Variants in ERO1A observed in about 807,000 individuals in gnomAD.
The protein encoded by ERO1A is endoplasmic reticulum oxidoreductase 1 alpha, also known as ERO1-like protein alpha.
A neutral mutation model predicts 76.9 loss-of-function variants in ERO1A; 49 were observed. The ratio of observed to expected loss-of-function variants is 0.64; its 90% CI spans 0.51 to 0.81. The LOEUF is 0.81. ERO1A is among the 30% of genes least tolerant of loss of function. The pLI, the probability that ERO1A is intolerant of heterozygous loss-of-function variation, is 0.00. For synonymous variants in ERO1A, 174 were observed against 181.2 expected (o/e 0.96, Z 0.32); for missense variants, 448 against 542.1 (o/e 0.83, Z 1.72).
chr14:52,657,803 T>C, intron 11 of ERO1A, 114 bp downstream of exon 11: 1 of 660,494 alleles, frequency 1.5e-6, no homozygotes, highest in Non-Finnish European at 2.6e-6. Context: ...AGTGAATTTT[T>C]ACTGCCTAAT....
At chr14:52,686,048 C>T (rs544609695) in intron 1 of ERO1A, among the ~76,000 whole-genome samples, 72 of 152,136 alleles carry the variant, frequency 4.7e-4, no homozygotes, top group Non-Finnish European at 9.0e-4. Flanking sequence ...CCCATCCCTA[C>T]CAGAAACATA....
At chr14:52,675,467 A>C (rs1338440279) in intron 4 of ERO1A, among the ~76,000 whole-genome samples, 1 of 152,118 alleles carries the variant, frequency 6.6e-6, no homozygotes, top group Non-Finnish European at 1.5e-5. Context: ...CTATATTTTT[A>C]ATTTTTCATA....
In ERO1A at chr14:52,661,318, C is replaced by T. The variant is rs763482209; in HGVS notation, c.677-14G>A. On this transcript the variant is annotated splice_polypyrimidine_tract_variant and intron_variant, in intron 8 of 15. Coordinates refer to ENST00000395686, the MANE Select transcript of ERO1A (RefSeq NM_014584.3). ...CTTCACTTGTCCCTGAAAAGCAAAA[C>T]AAAATGTTTATTAAAATAAATTCCT... 10 of 1,397,138 alleles carry T rather than the reference C, an allele frequency of 7.2e-6. 1 individual carries two copies. The highest frequency in any genetic ancestry group is 1.9e-4 in the Middle Eastern group (1 of 5,294). The allele number at this position is 1,397,138 out of a possible 1,614,324, so 86.5% of individuals were successfully genotyped here. A position where few individuals can be genotyped will look rare whatever the true frequency, so the allele number is the denominator to read the frequency against.
chr14:52,671,159 T>C (rs890575719), intron 6 of ERO1A, among the ~76,000 whole-genome samples: 1 of 152,246 alleles, frequency 6.6e-6, no homozygotes, highest in Non-Finnish European at 1.5e-5. Context: ...CGTGTTGTAG[T>C]ATGTACCAGA....
chr14:52,664,664 G>C (rs973032298), intron 7 of ERO1A, among the ~76,000 whole-genome samples: 1 of 152,020 alleles, frequency 6.6e-6, no homozygotes, highest in Non-Finnish European at 1.5e-5. Context: ...ATGCTTCATG[G>C]ATTCTTTTAT....
chr14:52,671,470 G>T, intron 6 of ERO1A, 160 bp downstream of exon 6: 1 of 546,820 alleles, frequency 1.8e-6, no homozygotes, highest in Non-Finnish European at 3.2e-6. Flanking sequence ...ATGTTGCCCA[G>T]TCTGGATTCA....
intron 8 of ERO1A, 141 bp from the exon 9 acceptor site, chr14:52,661,445 G>A: frequency 1.9e-6 from 1 of 528,694 alleles, no homozygotes; most frequent in Non-Finnish European, 3.1e-6. Context: ...ATCTGAAAGT[G>A]AGACATTCGT....
At chr14:52,678,409 C>T in intron 4 of ERO1A, 25 bp downstream of exon 4, 1 of 1,600,772 alleles carries the variant, frequency 6.2e-7, no homozygotes, top group Non-Finnish European at 8.5e-7. Flanking sequence ...AGATACTGGA[C>T]ACATCAATAG....
chr14:52,690,569 C>T (rs866822835), intron 1 of ERO1A, among the ~76,000 whole-genome samples: 58 of 152,156 alleles, frequency 3.8e-4, no homozygotes, highest in African/African-American at 1.3e-3. Flanking sequence ...GGCAAGGTGG[C>T]GGGTGCCTGT....
chr14:52,652,872 C>T (rs751099650), intron 12 of ERO1A, among the ~76,000 whole-genome samples, 197 bp downstream of exon 12: 7 of 151,872 alleles, frequency 4.6e-5, no homozygotes, highest in Non-Finnish European at 1.0e-4. Context: ...GTGGTTTGCA[C>T]ATATAGTCCC....
chr14:52,651,893 C>A (rs975467579), intron 13 of ERO1A, among the ~76,000 whole-genome samples: 12 of 151,986 alleles, frequency 7.9e-5, no homozygotes, highest in African/African-American at 2.4e-4. Context: ...AAATCTTATT[C>A]TCCCTAACTG....
chr14:52,689,899 A>G (rs2041298752), intron 1 of ERO1A, among the ~76,000 whole-genome samples: 1 of 152,248 alleles, frequency 6.6e-6, no homozygotes, highest in Non-Finnish European at 1.5e-5. Context: ...AGCTACAGTC[A>G]TCACAACAGT....
chr14:52,664,631 CA>C (rs1363093526), intron 7 of ERO1A, among the ~76,000 whole-genome samples: 1 of 152,172 alleles, frequency 6.6e-6, no homozygotes, highest in Non-Finnish European at 1.5e-5. Context: ...AAAATGACTA[CA>C]AAAGTAATAC....
Position 52,646,373 on chromosome 14 carries a change from A to G in ERO1A, c.1212+2T>C. 3 of 1,610,028 alleles carry G rather than the reference A, an allele frequency of 1.9e-6. No individual in the cohort carries two copies. The highest frequency in any genetic ancestry group is 2.5e-6 in the Non-Finnish European group (3 of 1,178,664). ...GAAATAGGAATGACTAAATTTGCTT[A>G]CCTGAAGCTTTCCCCACAGACGACA... On this transcript the variant is annotated splice_donor_variant, in intron 14 of 15. Transcript: ENST00000395686. LOFTEE classifies it high-confidence loss of function.
chr14:52,680,416 T>C (rs910239263), intron 3 of ERO1A, among the ~76,000 whole-genome samples: 7 of 151,436 alleles, frequency 4.6e-5, no homozygotes, highest in Admixed American at 3.3e-4. Flanking sequence ...AATCTTCTTT[T>C]CCAAATGGTG....
intron 4 of ERO1A, among the ~76,000 whole-genome samples, chr14:52,677,197 G>C (rs2040814286): frequency 6.6e-6 from 1 of 152,046 alleles, no homozygotes; most frequent in Admixed American, 6.6e-5. Context: ...TAATCATCAA[G>C]GCTGCTAAAA....
intron 6 of ERO1A, among the ~76,000 whole-genome samples, chr14:52,669,358 T>A (rs8007682): frequency 6.6e-6 from 1 of 151,896 alleles, no homozygotes; most frequent in Admixed American, 6.6e-5. Context: ...CTAAAAAAAA[T>A]TATAGCTGCA....
intron 4 of ERO1A, among the ~76,000 whole-genome samples, chr14:52,675,511 T>C (rs578065007): frequency 7.0e-4 from 107 of 152,338 alleles, no homozygotes; most frequent in African/African-American, 2.4e-3. Flanking sequence ...TTAAAAGTTA[T>C]TTAGTCTAAA....
intron 9 of ERO1A, among the ~76,000 whole-genome samples, chr14:52,658,938 C>T (rs2040141306): frequency 6.6e-6 from 1 of 152,024 alleles, no homozygotes; most frequent in African/African-American, 2.4e-5. Flanking sequence ...ACAGTGTTTT[C>T]TACTAAAGTT....
Sources: allele counts gnomAD v4.1 joint callset (sites outside exome capture counted in the v4.1 genomes callset), GRCh38; gene constraint gnomAD v4.1.1; transcripts MANE v1.5; gene names NCBI Gene and HGNC (gene_info 2026-07-23, HGNC 2026-07-21).